Variants in TRERF1 observed in about 807,000 individuals in gnomAD.
TRERF1 encodes the protein transcriptional-regulating factor 1.
TRERF1 carries 27 observed loss-of-function variants against 122.9 expected under a neutral mutation model. The observed-to-expected ratio is 0.22, with a 90% CI of 0.16 to 0.30. TRERF1 has a LOEUF of 0.30. Ranked by LOEUF, TRERF1 falls within the 10% of genes least tolerant of loss-of-function variation. The pLI, the probability that TRERF1 is intolerant of heterozygous loss-of-function variation, is 1.00. For synonymous variants in TRERF1, 636 were observed against 641.7 expected (o/e 0.99, Z 0.13); for missense variants, 1,248 against 1,560.3 (o/e 0.80, Z 3.37).
intron 15 of TRERF1, among the ~76,000 whole-genome samples, chr6:42,239,480 G>A (rs112466199): frequency 6.6e-5 from 10 of 152,018 alleles, no homozygotes; most frequent in African/African-American, 2.4e-4. Flanking sequence ...TTGACCTCCC[G>A]GCTACTTAGC....
chr6:42,287,007 T>C (rs556345141), intron 4 of TRERF1, among the ~76,000 whole-genome samples: 2 of 142,900 alleles, frequency 1.4e-5, no homozygotes, highest in Admixed American at 7.0e-5. Context: ...ATGGATGAAA[T>C]TGGAAATCAT....
intron 3 of TRERF1, among the ~76,000 whole-genome samples, chr6:42,332,596 T>C (rs1440727437): frequency 6.6e-6 from 1 of 152,214 alleles, no homozygotes; most frequent in East Asian, 1.9e-4. Flanking sequence ...AGGAAGGAGA[T>C]AGCCCTTGCT....
At chr6:42,279,860 G>A (rs942191646) in intron 4 of TRERF1, among the ~76,000 whole-genome samples, 1 of 152,064 alleles carries the variant, frequency 6.6e-6, no homozygotes, top group African/African-American at 2.4e-5. Context: ...GGTCACCCAG[G>A]GCCCCAGAGA....
chr6:42,269,777 G>A lies in TRERF1; in HGVS notation c.-187C>T. 7.0e-7 allele frequency: 1 copy of A among 1,428,878 alleles called. No homozygotes were observed. Among genetic ancestry groups the A allele is most frequent in the Non-Finnish European group, 9.1e-7 (1 of 1,095,088 alleles). The allele number at this position is 1,428,878 out of a possible 1,614,324, so 88.5% of individuals were successfully genotyped here. On this transcript the variant is annotated 5_prime_UTR_variant, in exon 5 of 18. Transcript: ENST00000372922. This position sits in a 1 kb window ranked among gnomAD's most constrained non-coding sequence, Gnocchi z 4.9. ...GCCTGTACCACTCATGTGCAGGGCGGGGGGTTTCACATCCTCTCCCTGGCT... is the reference window on the plus strand; with the variant it reads ...GCCTGTACCACTCATGTGCAGGGCGAGGGGTTTCACATCCTCTCCCTGGCT...
intron 2 of TRERF1, among the ~76,000 whole-genome samples, chr6:42,450,575 C>T (rs928464402): frequency 1.3e-5 from 2 of 152,232 alleles, no homozygotes; most frequent in Non-Finnish European, 2.9e-5. Flanking sequence ...CGCACATGCT[C>T]CAGTCCAGTG....
intron 2 of TRERF1, among the ~76,000 whole-genome samples, chr6:42,426,278 T>C (rs947629669): frequency 2.0e-5 from 3 of 152,080 alleles, no homozygotes; most frequent in African/African-American, 7.2e-5. Context: ...CCACTAAAAT[T>C]ATATAATCCA....
At chr6:42,320,971 A>T (rs1286924472) in intron 3 of TRERF1, among the ~76,000 whole-genome samples, 3 of 152,160 alleles carry the variant, frequency 2.0e-5, no homozygotes, top group Non-Finnish European at 4.4e-5. Context: ...CTCAAATATT[A>T]TGAGATTCCA....
At chr6:42,235,798 G>A (rs1772023387) in intron 16 of TRERF1, among the ~76,000 whole-genome samples, 1 of 152,218 alleles carries the variant, frequency 6.6e-6, no homozygotes, top group Admixed American at 6.5e-5. Flanking sequence ...AAGTAATTAT[G>A]TCATAAAAGG....
intron 3 of TRERF1, among the ~76,000 whole-genome samples, chr6:42,306,840 C>T (rs1026735975): frequency 6.6e-6 from 1 of 152,184 alleles, no homozygotes; most frequent in African/African-American, 2.4e-5. Flanking sequence ...TTGGTCTCCC[C>T]AGTCAGACTG....
At chr6:42,230,071 G>C (rs1485198833) in intron 17 of TRERF1, among the ~76,000 whole-genome samples, 1 of 152,090 alleles carries the variant, frequency 6.6e-6, no homozygotes, top group Non-Finnish European at 1.5e-5. Context: ...ATACTCTTTA[G>C]TCACTTCTGA....
chr6:42,404,572 C>T (rs1779901970), intron 2 of TRERF1, among the ~76,000 whole-genome samples: 2 of 152,126 alleles, frequency 1.3e-5, no homozygotes, highest in South Asian at 4.2e-4. Context: ...TACCTCCAGC[C>T]CACTGCACCC....
chr6:42,363,420 C>T (rs1024885063), intron 2 of TRERF1, among the ~76,000 whole-genome samples: 105 of 152,152 alleles, frequency 6.9e-4, no homozygotes, highest in African/African-American at 2.4e-3. Flanking sequence ...CACCGTTTCT[C>T]GACACCTCCA....
Position 42,276,296 on chromosome 6 carries a change from A to T in TRERF1, c.-258-6448T>A, listed in dbSNP as rs148048221. On this transcript the variant is annotated intron_variant, in intron 4 of 17. Coordinates refer to ENST00000372922, the Ensembl canonical transcript of TRERF1. The surrounding 1 kb of genome is among the most constrained non-coding windows in gnomAD (Gnocchi z 4.3). ...TCTCCGCAGGACTTGTTTGCTTACAATTCAGAAGGGGTAACACCCTGCTCC... is the reference window on the plus strand; with the variant it reads ...TCTCCGCAGGACTTGTTTGCTTACATTTCAGAAGGGGTAACACCCTGCTCC... 6.6e-6 allele frequency among the ~76,000 whole-genome samples: 1 copy of T among 152,240 alleles called. No individual in the cohort carries two copies. The highest frequency in any genetic ancestry group is 1.5e-5 in the Non-Finnish European group (1 of 68,032).
chr6:42,285,260 C>T (rs1782992045), intron 4 of TRERF1, among the ~76,000 whole-genome samples: 1 of 152,042 alleles, frequency 6.6e-6, no homozygotes, highest in Non-Finnish European at 1.5e-5. Flanking sequence ...AATGGGAGTT[C>T]ACTCATGATT....
chr6:42,423,359 T>C (rs181141066), intron 2 of TRERF1, among the ~76,000 whole-genome samples: 1 of 152,280 alleles, frequency 6.6e-6, no homozygotes, highest in East Asian at 1.9e-4. Context: ...GAGCCAAAAC[T>C]TAAAACCAGA....
intron 2 of TRERF1, among the ~76,000 whole-genome samples, chr6:42,438,960 T>A (rs1582245250): frequency 6.7e-6 from 1 of 149,160 alleles, no homozygotes; most frequent in Non-Finnish European, 1.5e-5. Context: ...GAGTGGAGAG[T>A]GGAAAGGGAG....
chr6:42,252,015 T>C (rs762183633), intron 13 of TRERF1, among the ~76,000 whole-genome samples: 8 of 152,196 alleles, frequency 5.3e-5, no homozygotes, highest in African/African-American at 1.2e-4. Flanking sequence ...CAAGTGCTAA[T>C]TGGGAACCAC....
chr6:42,279,707 C>T (rs1561899057), intron 4 of TRERF1, among the ~76,000 whole-genome samples: 1 of 152,138 alleles, frequency 6.6e-6, no homozygotes, highest in Non-Finnish European at 1.5e-5. Context: ...GCTGTCACCA[C>T]ATCCTGGCCA....
chr6:42,422,829 A>G (rs1450308840), intron 2 of TRERF1, among the ~76,000 whole-genome samples: 3 of 149,420 alleles, frequency 2.0e-5, no homozygotes, highest in Admixed American at 6.7e-5. Context: ...CAGCTCAAGC[A>G]GCCTGGCGTG....
Sources: allele counts gnomAD v4.1 joint callset (sites outside exome capture counted in the v4.1 genomes callset), GRCh38; gene constraint gnomAD v4.1.1; non-coding constraint Gnocchi (gnomAD v3.1); transcripts MANE v1.5; gene names NCBI Gene and HGNC (gene_info 2026-07-23, HGNC 2026-07-21).